TOM1L1: variants seen among roughly 807,000 people sequenced by gnomAD.
TOM1L1 encodes TOM1-like protein 1.
A neutral mutation model predicts 63.4 loss-of-function variants in TOM1L1; 64 were observed. The observed-to-expected ratio is 1.01, with a 90% confidence interval of 0.83 to 1.24. TOM1L1 has a LOEUF of 1.24. Ranked by LOEUF, TOM1L1 falls within the 50% of genes most tolerant of loss-of-function variation. TOM1L1 has a pLI of 0.00. For synonymous variants in TOM1L1, 166 were observed against 194.4 expected (o/e 0.85, Z 1.22); for missense variants, 536 against 567.0 (o/e 0.95, Z 0.55).
chr17:54,957,169 C>G (rs889259034), intron 14 of TOM1L1: 3 of 152,250 alleles, frequency 2.0e-5, no homozygotes, highest in Non-Finnish European at 4.4e-5. Flanking sequence ...ACCCAACCCT[C>G]TGCATCTCTT....
chr17:54,903,347 G>A (rs908762443), intron 1 of TOM1L1, among the ~76,000 whole-genome samples: 3 of 152,188 alleles, frequency 2.0e-5, no homozygotes, highest in Non-Finnish European at 2.9e-5. Flanking sequence ...ATGAAATTGC[G>A]TATGATAAAA....
intron 10 of TOM1L1, chr17:54,937,852 A>G (rs1415118849): frequency 6.6e-6 from 1 of 151,366 alleles, no homozygotes; most frequent in African/African-American, 2.4e-5. Context: ...ATAAACATTT[A>G]TAAAAGAGTT....
intron 14 of TOM1L1, chr17:54,951,993 C>T (rs370625860): frequency 2.0e-5 from 3 of 152,266 alleles, no homozygotes; most frequent in South Asian, 2.1e-4. Flanking sequence ...TTCATGTTGA[C>T]CAGGGACACT....
chr17:54,923,087 T>TA (rs2048709708), intron 7 of TOM1L1, among the ~76,000 whole-genome samples: 1 of 152,356 alleles, frequency 6.6e-6, no homozygotes, highest in East Asian at 1.9e-4. Context: ...TTTATTACTT[T>TA]AATGGCCTAA....
In TOM1L1 at chr17:54,912,684, C is replaced by G. The variant is rs568678217; in HGVS notation, c.241C>G (p.Gln81Glu). 1 of 1,595,144 alleles carries G rather than the reference C, an allele frequency of 6.3e-7. No individual in the cohort carries two copies. ...AATTTAGCTTATTGACATGTGTGTGCAGAACTGTGGTCCAAGTTTCCAGTC... is the reference window on the plus strand; with the variant it reads ...AATTTAGCTTATTGACATGTGTGTGGAGAACTGTGGTCCAAGTTTCCAGTC... ...LTLSLIDMCV[Q>E]NCGPSFQSLI... The change falls in exon 4 of 16, where the codon CAG becomes GAG. Residue 81 changes from glutamine (Q) to glutamate (E), a missense_variant. Coordinates refer to ENST00000575882, the MANE Select transcript of TOM1L1 (RefSeq NM_005486.3).
Position 54,961,243 on chromosome 17 carries a change from G to A in TOM1L1, c.*10G>A. ...TCTTCTCTTTATTTTAGAAGAAAGTGGATGATCAGCTCACTACCACATCAA... is the reference window on the plus strand; with the variant it reads ...TCTTCTCTTTATTTTAGAAGAAAGTAGATGATCAGCTCACTACCACATCAA... On this transcript the variant is annotated 3_prime_UTR_variant, in exon 16 of 16. Coordinates refer to ENST00000575882, the MANE Select transcript of TOM1L1 (RefSeq NM_005486.3). 2 of 1,538,444 alleles carry A rather than the reference G, an allele frequency of 1.3e-6. No individual in the cohort carries two copies. Among genetic ancestry groups the A allele is most frequent in the Non-Finnish European group, 1.8e-6 (2 of 1,134,914 alleles).
chr17:54,913,507 AT>A (rs2048529064), intron 4 of TOM1L1, among the ~76,000 whole-genome samples: 1 of 152,102 alleles, frequency 6.6e-6, no homozygotes, highest in African/African-American at 2.4e-5. Context: ...CTACTAAAAA[AT>A]ACAAAAAGTA....
At chr17:54,911,550 A>G (rs1441431116) in intron 3 of TOM1L1, among the ~76,000 whole-genome samples, 4 of 152,230 alleles carry the variant, frequency 2.6e-5, no homozygotes, top group Non-Finnish European at 5.9e-5. Flanking sequence ...TTTCCGTCAC[A>G]GGGGTCCTCA....
At chr17:54,939,479 A>G (rs1356603695) in intron 11 of TOM1L1, among the ~76,000 whole-genome samples, 1 of 152,178 alleles carries the variant, frequency 6.6e-6, no homozygotes, top group Admixed American at 6.5e-5. Flanking sequence ...TAATGGCCCC[A>G]TCAGTTACAG....
At chr17:54,904,149 T>C (rs1460978306) in intron 2 of TOM1L1, among the ~76,000 whole-genome samples, 1 of 151,920 alleles carries the variant, frequency 6.6e-6, no homozygotes, top group African/African-American at 2.4e-5. Flanking sequence ...GGGCGGATCA[T>C]GAGGTCGGGA....
rs1168073388 is a variant in TOM1L1 at position 54,950,126 on chromosome 17, A to T, written c.1370A>T (p.Glu457Val). Residue 457 changes from glutamate (E) to valine (V), a missense_variant and splice_region_variant, in exon 14 of 16, where the codon GAA becomes GTA. Transcript: ENST00000575882. ...CCCTTAGCTCCTGCTGTCACTACAG[A>T]GTAAGTCATTTACAAAATGATTAAT... is the stretch of plus-strand genomic sequence containing the variant. The part of the protein sequence containing the change: ...FDPLAPAVTT[E>V]AIYEEIDAHQ... 42 of 1,607,508 alleles carry T rather than the reference A, an allele frequency of 2.6e-5. No individual in the cohort carries two copies. Among genetic ancestry groups the T allele is most frequent in the Non-Finnish European group, 3.6e-5 (42 of 1,174,700 alleles).
intron 7 of TOM1L1, among the ~76,000 whole-genome samples, chr17:54,917,710 ACT>A (rs547323575): frequency 8.4e-4 from 127 of 151,920 alleles, no homozygotes; most frequent in East Asian, 3.7e-3. Flanking sequence ...TTTGTGTGAG[ACT>A]CTCTGCCAGC....
chr17:54,901,142 A>G (rs988904106), intron 1 of TOM1L1: 3 of 636,274 alleles, frequency 4.7e-6, no homozygotes, highest in Non-Finnish European at 8.1e-6. Flanking sequence ...TCAAAAATGT[A>G]CCTTCCTTTC....
chr17:54,930,844 G>T (rs1447937600), intron 8 of TOM1L1, among the ~76,000 whole-genome samples: 3 of 151,660 alleles, frequency 2.0e-5, no homozygotes, highest in African/African-American at 7.3e-5. Flanking sequence ...TCTGTCTCAA[G>T]AATATAAATA....
intron 14 of TOM1L1, chr17:54,953,720 TCTTC>T (rs2049350458): frequency 6.6e-6 from 1 of 152,258 alleles, no homozygotes; most frequent in Non-Finnish European, 1.5e-5. Flanking sequence ...CATCTTCTTG[TCTTC>T]CTTTTCATCA....
intron 3 of TOM1L1, among the ~76,000 whole-genome samples, chr17:54,910,481 T>C (rs1297777318): frequency 6.6e-6 from 1 of 152,098 alleles, no homozygotes; most frequent in Non-Finnish European, 1.5e-5. Flanking sequence ...CAAAAATTGG[T>C]TTGCGAATTA....
intron 2 of TOM1L1, 68 bp downstream of exon 2, chr17:54,903,860 C>T (rs2048366668): frequency 7.1e-7 from 1 of 1,410,298 alleles, no homozygotes; most frequent in Non-Finnish European, 9.9e-7. Context: ...CACGTTTTCT[C>T]TTGCAAATAT....
chr17:54,935,162 C>CA (rs2048926115), intron 8 of TOM1L1, among the ~76,000 whole-genome samples: 1 of 151,870 alleles, frequency 6.6e-6, no homozygotes, highest in Non-Finnish European at 1.5e-5. Context: ...GGGCTGAGTC[C>CA]AAAAAATGAG....
chr17:54,915,153 A>G (rs2048566552), intron 6 of TOM1L1, among the ~76,000 whole-genome samples: 1 of 152,248 alleles, frequency 6.6e-6, no homozygotes, highest in Non-Finnish European at 1.5e-5. Context: ...TGTGTATATC[A>G]GTTTATCCAA....
Sources: gnomAD v4.1 joint callset for allele counts (sites outside exome capture counted in the v4.1 genomes callset) on GRCh38, gnomAD v4.1.1 for gene constraint, MANE v1.5 for transcripts, NCBI Gene and HGNC (gene_info 2026-07-23, HGNC 2026-07-21) for gene names.